The following TG variants were observed in gnomAD, a reference collection of about 807,000 sequenced individuals.
TG encodes the protein thyroglobulin.
A neutral mutation model predicts 324.7 loss-of-function variants in TG; 270 were observed. That is an observed-to-expected ratio of 0.83 (90% confidence interval 0.75 to 0.92). The LOEUF is 0.92. TG is among the 40% of genes least tolerant of loss of function. The pLI, the probability that TG is intolerant of heterozygous loss-of-function variation, is 0.00. For synonymous variants in TG, 1,401 were observed against 1,327.0 expected (o/e 1.06, Z -1.21); for missense variants, 3,591 against 3,456.4 (o/e 1.04, Z -0.98).
intron 41 of TG, among the ~76,000 whole-genome samples, chr8:133,093,542 T>C (rs764166811): frequency 2.0e-5 from 3 of 152,176 alleles, no homozygotes. Context: ...AGGCATGTTC[T>C]GAGAAGCCCA....
intron 3 of TG, among the ~76,000 whole-genome samples, chr8:132,870,284 A>T (rs1376623440): frequency 6.6e-6 from 1 of 151,318 alleles, no homozygotes; most frequent in African/African-American, 2.4e-5. Flanking sequence ...ACTTAAGCCA[A>T]CCACCTCAAA....
chr8:133,081,166 A>G (rs1385414060), intron 41 of TG, among the ~76,000 whole-genome samples: 2 of 152,254 alleles, frequency 1.3e-5, no homozygotes, highest in Non-Finnish European at 2.9e-5. Context: ...GACGGGACCC[A>G]CCAGATAGAG....
At chr8:132,965,538 T>C (rs1044451494) in intron 29 of TG, among the ~76,000 whole-genome samples, 1 of 152,230 alleles carries the variant, frequency 6.6e-6, no homozygotes, top group Admixed American at 6.5e-5. Flanking sequence ...CTCATCTCCC[T>C]GATCTGCATC....
intron 41 of TG, chr8:133,038,354 G>T: frequency 8.1e-6 from 5 of 617,912 alleles, no homozygotes; most frequent in Non-Finnish European, 1.4e-5. Context: ...GGGTTCCTTT[G>T]GTCATGATGT....
chr8:132,953,997 G>GAA (rs35105936), intron 27 of TG, among the ~76,000 whole-genome samples: 11 of 144,814 alleles, frequency 7.6e-5, no homozygotes, highest in African/African-American at 2.0e-4. Flanking sequence ...AAATTTGATA[G>GAA]AAAAAAAAAA....
chr8:133,002,938 G>T, intron 35 of TG: 1 of 965,610 alleles, frequency 1.0e-6, no homozygotes, highest in Non-Finnish European at 1.3e-6. Flanking sequence ...TTTTTGAACA[G>T]TGCCCATTCC....
chr8:132,961,743 A>C (rs1472158367), intron 28 of TG, among the ~76,000 whole-genome samples: 1 of 147,510 alleles, frequency 6.8e-6, no homozygotes, highest in Admixed American at 6.9e-5. Context: ...GGTCATGGCC[A>C]TATGTGCTGG....
intron 29 of TG, chr8:132,964,744 G>T (rs1239111922): frequency 3.3e-6 from 2 of 604,794 alleles, no homozygotes; most frequent in African/African-American, 3.7e-5. Context: ...AGCACATGTG[G>T]CTGTGGCCTT....
chr8:133,040,293 C>T, intron 41 of TG: 2 of 716,292 alleles, frequency 2.8e-6, no homozygotes, highest in Non-Finnish European at 4.6e-6. Flanking sequence ...TGCTGAAAGT[C>T]ACGCGCCCAG....
At chr8:133,006,364 C>T (rs995876281) in intron 35 of TG, among the ~76,000 whole-genome samples, 1 of 152,238 alleles carries the variant, frequency 6.6e-6, no homozygotes, top group Non-Finnish European at 1.5e-5. Flanking sequence ...ACAGAGGCCC[C>T]AGCTCTTTGA....
chr8:132,907,502 G>A (rs559290004), intron 17 of TG, among the ~76,000 whole-genome samples: 1 of 152,228 alleles, frequency 6.6e-6, no homozygotes, highest in African/African-American at 2.4e-5. Flanking sequence ...TGGTCCACCC[G>A]GTGCAGTGGG....
Position 133,029,924 on chromosome 8 carries a change from G to A in TG, c.7140G>A (p.Val2380=), listed in dbSNP as rs200271929. The A allele has an allele frequency of 6.2e-7, 1 of 1,614,114 alleles. No individual in the cohort carries two copies. Among genetic ancestry groups the A allele is most frequent in the African/African-American group, 1.3e-5 (1 of 74,942 alleles). ...GATTTGGCGGGGACCCTCGGCGCGT[G>A]TCCCTGGCAGCAGACCGTGGCGGGG... ...IRGFGGDPRR[V]SLAADRGGAD... Residue 2380 remains valine, a synonymous_variant, in exon 41 of 48, where the codon GTG becomes GTA. Coordinates refer to ENST00000220616, the MANE Select transcript of TG (RefSeq NM_003235.5).
At chr8:133,001,089 A>G (rs1444724244) in intron 35 of TG, among the ~76,000 whole-genome samples, 2 of 152,076 alleles carry the variant, frequency 1.3e-5, no homozygotes, top group Non-Finnish European at 2.9e-5. Context: ...CCTTTTTTAC[A>G]AGGACACCAG....
intron 46 of TG, 108 bp downstream of exon 46, chr8:133,132,054 C>T (rs1237180268): frequency 1.8e-5 from 28 of 1,523,068 alleles, no homozygotes; most frequent in African/African-American, 1.2e-4. Context: ...TCCTTTCCTC[C>T]GTAGACACTA....
intron 19 of TG, 66 bp from the exon 20 acceptor site, chr8:132,912,981 C>A: frequency 6.7e-7 from 1 of 1,497,700 alleles, no homozygotes; most frequent in Non-Finnish European, 9.3e-7. Context: ...CTCTGCCCTG[C>A]TTAATCCTCC....
chr8:133,105,724 G>A (rs972836672), intron 43 of TG, among the ~76,000 whole-genome samples: 3 of 152,156 alleles, frequency 2.0e-5, no homozygotes, highest in Non-Finnish European at 2.9e-5. Flanking sequence ...ACAAGCATTC[G>A]TGGACAGAAT....
At chr8:132,938,260 TGA>T (rs1391196226) in intron 25 of TG, among the ~76,000 whole-genome samples, 2 of 152,196 alleles carry the variant, frequency 1.3e-5, no homozygotes. Context: ...AGAAAGGGCC[TGA>T]GTCCCAGAGC....
chr8:133,009,789 G>A (rs1333172539), intron 35 of TG, among the ~76,000 whole-genome samples: 1 of 151,300 alleles, frequency 6.6e-6, no homozygotes, highest in Non-Finnish European at 1.5e-5. Context: ...CAGAAAGAGG[G>A]CACCACCAAG....
chr8:132,983,968 A>G (rs113003404), intron 35 of TG, among the ~76,000 whole-genome samples: 1 of 152,022 alleles, frequency 6.6e-6, no homozygotes, highest in Non-Finnish European at 1.5e-5. Context: ...GATCCTCCTC[A>G]CTCATGGCAT....
Sources: allele counts gnomAD v4.1 joint callset (sites outside exome capture counted in the v4.1 genomes callset), GRCh38; gene constraint gnomAD v4.1.1; transcripts MANE v1.5; gene names NCBI Gene and HGNC (gene_info 2026-07-23, HGNC 2026-07-21).